Variants in FAAH2 observed in about 807,000 individuals in gnomAD.
The protein encoded by FAAH2 is fatty-acid amide hydrolase 2.
FAAH2 carries 60 observed loss-of-function variants against 36.9 expected under a neutral mutation model. That is an observed-to-expected ratio of 1.63 (90% confidence interval 1.32 to 2.02). FAAH2 has a LOEUF of 2.02. Among genes scored for constraint, FAAH2 ranks in the 30% most tolerant of loss-of-function variants. The pLI is 0.00. For missense variants in FAAH2, 689 were observed against 397.5 expected (o/e 1.73, Z -6.23); for synonymous variants, 214 against 143.8 (o/e 1.49, Z -3.49).
At chrX:57,158,843 G>C in the FAAH2 span, among the ~76,000 whole-genome samples, 1 of 111,783 alleles carries the variant, frequency 8.9e-6, no homozygotes, top group African/African-American at 3.3e-5. Flanking sequence ...AAGCTCTTTA[G>C]TTTAATTAGA....
chrX:57,198,131 T>G, the FAAH2 span, among the ~76,000 whole-genome samples: 2 of 110,803 alleles, frequency 1.8e-5, no homozygotes, highest in Admixed American at 1.9e-4. Flanking sequence ...GCCATAGAGC[T>G]CCCAAGAGGT....
At chrX:57,424,908 G>T (rs1032859987) in intron 7 of FAAH2, among the ~76,000 whole-genome samples, 2 of 111,039 alleles carry the variant, frequency 1.8e-5, no homozygotes, top group Non-Finnish European at 3.8e-5. Context: ...GAAATACCAC[G>T]TAAAGAATTC....
chrX:57,440,735 G>C (rs1435482461), intron 8 of FAAH2, among the ~76,000 whole-genome samples: 1 of 111,370 alleles, frequency 9.0e-6, no homozygotes, highest in Non-Finnish European at 1.9e-5. Context: ...ATTGGCTTTG[G>C]GTTTGGCATA....
chrX:57,310,838 G>C, intron 3 of FAAH2, 109 bp downstream of exon 3: 1 of 819,869 alleles, frequency 1.2e-6, no homozygotes, highest in Non-Finnish European at 1.7e-6. Flanking sequence ...AACTCATGCT[G>C]CTTCCTCAGT....
At chrX:57,164,334 C>T in the FAAH2 span, among the ~76,000 whole-genome samples, 1 of 111,734 alleles carries the variant, frequency 8.9e-6, no homozygotes, top group Non-Finnish European at 1.9e-5. Flanking sequence ...CCTTAATTCC[C>T]AAAAAAGGTA....
the FAAH2 span, among the ~76,000 whole-genome samples, chrX:57,129,979 A>G: frequency 3.6e-4 from 40 of 112,438 alleles, no homozygotes; most frequent in African/African-American, 1.3e-3. Flanking sequence ...CATGAGCTCA[A>G]TGGCAATGCT....
chrX:57,402,983 A>G (rs1162337162), intron 7 of FAAH2, among the ~76,000 whole-genome samples: 1 of 112,237 alleles, frequency 8.9e-6, no homozygotes, highest in East Asian at 2.8e-4. Context: ...CTGATCTAGC[A>G]GTAACATTAT....
At chrX:57,466,440 GTA>G (rs749402672) in intron 10 of FAAH2, among the ~76,000 whole-genome samples, 46 of 94,231 alleles carry the variant, frequency 4.9e-4, no homozygotes, top group Non-Finnish European at 7.5e-4. Flanking sequence ...TACTGGAAAA[GTA>G]TATATATATA....
At chrX:57,281,178 G>T in the FAAH2 span, among the ~76,000 whole-genome samples, 1 of 111,482 alleles carries the variant, frequency 9.0e-6, no homozygotes, top group East Asian at 2.8e-4. Flanking sequence ...CTTATTTGGA[G>T]GATGTTACCA....
chrX:57,154,976 G>A, the FAAH2 span, among the ~76,000 whole-genome samples: 1 of 111,072 alleles, frequency 9.0e-6, no homozygotes, highest in African/African-American at 3.3e-5. Context: ...GAGCTACCAG[G>A]CTCCAGGTTG....
In FAAH2 at chrX:57,410,127, AT is replaced by A. The variant is rs1238900935; in HGVS notation, c.997-21783del. On this transcript the variant is annotated intron_variant, in intron 7 of 10. Transcript: ENST00000374900. ...TTAATTTCCTTTTATTAGTTGACCCATTTTTTTTCAGAAGGATATTTGTTTA... is the reference window on the plus strand; with the variant it reads ...TTAATTTCCTTTTATTAGTTGACCCATTTTTTTCAGAAGGATATTTGTTTA... 3.7e-5 allele frequency among the ~76,000 whole-genome samples: 4 copies of A among 107,097 alleles called. No individual in the cohort carries two copies. In the Admixed American group the frequency reaches 4.0e-4, roughly 11 times the overall value. The allele number at this position is 107,097 out of a possible 115,157, so 93.0% of individuals were successfully genotyped here.
rs992039755 is a variant in FAAH2, at chrX:57,440,813, G to A, written c.1117-6115G>A. Among the ~76,000 whole-genome samples the A allele has an allele frequency of 2.7e-5, 3 of 111,361 alleles. No homozygotes were observed. The East Asian group carries it at 8.5e-4, about 31-fold the overall frequency. ...TTTATGGAGGGTTTTTAGCATGAAG[G>A]GCTGTTGAATTTTGTCAATGGCCTT... On this transcript the variant is annotated intron_variant, in intron 8 of 10. Coordinates refer to ENST00000374900, the MANE Select transcript of FAAH2 (RefSeq NM_174912.4).
At chrX:57,441,338 G>A (rs1049127541) in intron 8 of FAAH2, among the ~76,000 whole-genome samples, 54 of 111,163 alleles carry the variant, frequency 4.9e-4, no homozygotes, top group African/African-American at 1.8e-3. Context: ...GGGAGGGTGT[G>A]TGTGTCCAGG....
chrX:57,273,827 G>T, the FAAH2 span, among the ~76,000 whole-genome samples: 31 of 111,178 alleles, frequency 2.8e-4, no homozygotes, highest in Admixed American at 2.9e-3. Flanking sequence ...TAAAATTGAT[G>T]CCCTAACATC....
intron 1 of FAAH2, chrX:57,290,265 G>T (rs766176257): frequency 2.7e-6 from 2 of 745,358 alleles, no homozygotes; most frequent in Admixed American, 9.5e-5. Context: ...GGCAGTTGAA[G>T]ATCTTTGGGG....
chrX:57,284,774 T>C (rs2051787406), upstream of FAAH2, among the ~76,000 whole-genome samples: 1 of 111,781 alleles, frequency 8.9e-6, no homozygotes, highest in Non-Finnish European at 1.9e-5. Flanking sequence ...ACAGAAGCTT[T>C]ACATCCATAT....
chrX:57,357,248 C>T (rs2054180449), intron 5 of FAAH2, among the ~76,000 whole-genome samples: 1 of 111,231 alleles, frequency 9.0e-6, no homozygotes, highest in African/African-American at 3.3e-5. Flanking sequence ...AAAACCTAGG[C>T]AATACCATTC....
the FAAH2 span, among the ~76,000 whole-genome samples, chrX:57,226,711 G>T: frequency 1.8e-5 from 2 of 112,158 alleles, no homozygotes; most frequent in Non-Finnish European, 3.8e-5. Context: ...GCAAGGCTGG[G>T]AAAGTTTTCC....
At chrX:57,462,853 G>T (rs762346693) in intron 10 of FAAH2, among the ~76,000 whole-genome samples, 2 of 112,142 alleles carry the variant, frequency 1.8e-5, no homozygotes, top group Admixed American at 9.4e-5. Context: ...CAAATAGGAA[G>T]AGAGGAAGTC....
Sources: allele counts gnomAD v4.1 joint callset (sites outside exome capture counted in the v4.1 genomes callset), GRCh38; gene constraint gnomAD v4.1.1; transcripts MANE v1.5; gene names NCBI Gene and HGNC (gene_info 2026-07-23, HGNC 2026-07-21).